Variants in FHIT observed in about 807,000 individuals in gnomAD.
The protein encoded by FHIT is fragile histidine triad diadenosine triphosphatase.
In FHIT, 19 loss-of-function variants were observed where a neutral mutation model predicts 17.9. That is an observed-to-expected ratio of 1.06 (90% confidence interval 0.74 to 1.56). The LOEUF (loss-of-function observed/expected upper bound fraction) is 1.56, where lower values mean the gene tolerates loss of function less well. FHIT is among the 40% of genes most tolerant of loss of function. The pLI is 0.00. For synonymous variants in FHIT, 81 were observed against 69.7 expected, an observed-to-expected ratio of 1.16 and a Z score of -0.81; for missense variants, 248 against 189.2, an observed-to-expected ratio of 1.31 and a Z score of -1.82.
intron 5 of FHIT, among the ~76,000 whole-genome samples, chr3:60,161,685 A>G (rs940993481): frequency 6.6e-5 from 10 of 150,518 alleles, no homozygotes; most frequent in South Asian, 2.1e-4. Context: ...CATTTGGGGG[A>G]AAAAAAAACC....
chr3:60,286,699 G>A (rs1225430513), intron 5 of FHIT, among the ~76,000 whole-genome samples: 3 of 152,184 alleles, frequency 2.0e-5, no homozygotes, highest in Admixed American at 6.5e-5. Flanking sequence ...GAAAGTCGGT[G>A]TTTGCTATTT....
intron 4 of FHIT, among the ~76,000 whole-genome samples, chr3:60,591,720 TC>T (rs2038091578): frequency 6.6e-6 from 1 of 152,074 alleles, no homozygotes; most frequent in Non-Finnish European, 1.5e-5. Flanking sequence ...CTTCTGAGAT[TC>T]ATTCTTTAGT....
In FHIT at chr3:61,147,718, C is replaced by T. The variant is rs543040108; in HGVS notation, c.-164+52899G>A. On this transcript the variant is annotated intron_variant, in intron 2 of 9. Coordinates refer to ENST00000492590, the MANE Select transcript of FHIT (RefSeq NM_002012.4). ...AAAATGATTCCCCTACAGTGGCAAC[C>T]CTGTATGAAAATACAATATGAGATC... 1.6e-3 allele frequency among the ~76,000 whole-genome samples: 246 copies of T among 151,930 alleles called. 1 individual carries two copies. The highest frequency in any genetic ancestry group is 2.4e-3 in the Admixed American group (36 of 15,250).
intron 3 of FHIT, among the ~76,000 whole-genome samples, chr3:60,871,088 A>T (rs1290422786): frequency 6.6e-6 from 1 of 152,158 alleles, no homozygotes; most frequent in East Asian, 1.9e-4. Flanking sequence ...ACCCGTTTCC[A>T]TCTGTGGTTC....
chr3:60,570,738 A>T (rs934575625), intron 4 of FHIT, among the ~76,000 whole-genome samples: 21 of 762 alleles, frequency 0.028, no homozygotes, highest in African/African-American at 0.097. Context: ...TTAAAAAATT[A>T]AAAAAAAAAA....
intron 4 of FHIT, among the ~76,000 whole-genome samples, chr3:60,673,992 T>C (rs1479839787): frequency 6.6e-6 from 1 of 151,928 alleles, no homozygotes; most frequent in African/African-American, 2.4e-5. Flanking sequence ...CTATTTTTTT[T>C]CCTCCCTCAT....
chr3:59,753,659 C>G (rs896281439), intron 8 of FHIT, among the ~76,000 whole-genome samples: 3 of 152,018 alleles, frequency 2.0e-5, no homozygotes, highest in African/African-American at 4.8e-5. Flanking sequence ...CCAATGATAG[C>G]TAGCATTTAT....
At chr3:60,722,077 T>C (rs912169091) in intron 4 of FHIT, among the ~76,000 whole-genome samples, 2 of 152,140 alleles carry the variant, frequency 1.3e-5, no homozygotes, top group Admixed American at 1.3e-4. Context: ...TACGAAAGGC[T>C]CAGAGATGAT....
intron 5 of FHIT, among the ~76,000 whole-genome samples, chr3:60,401,029 A>G (rs545894587): frequency 1.5e-3 from 222 of 152,242 alleles, no homozygotes; most frequent in Non-Finnish European, 2.5e-3. Flanking sequence ...TACCACCTAG[A>G]TCAATTTAAT....
At chr3:60,594,459 C>T (rs1275767717) in intron 4 of FHIT, among the ~76,000 whole-genome samples, 1 of 152,086 alleles carries the variant, frequency 6.6e-6, no homozygotes, top group Non-Finnish European at 1.5e-5. Context: ...CAACAACTGC[C>T]AACTTCCCCA....
At chr3:60,745,306 G>A (rs782695037) in intron 4 of FHIT, among the ~76,000 whole-genome samples, 7 of 152,232 alleles carry the variant, frequency 4.6e-5, no homozygotes, top group South Asian at 2.1e-4. Context: ...CATAGGCAGC[G>A]GGAATCAAAC....
chr3:61,214,473 T>C (rs1229454352), intron 1 of FHIT, among the ~76,000 whole-genome samples: 1 of 152,198 alleles, frequency 6.6e-6, no homozygotes, highest in Non-Finnish European at 1.5e-5. Context: ...GTTGGATCTC[T>C]GAATAGACCA....
chr3:61,124,003 G>A, intron 2 of FHIT, among the ~76,000 whole-genome samples: 1 of 152,152 alleles, frequency 6.6e-6, no homozygotes, highest in South Asian at 2.1e-4. Flanking sequence ...ACTATTGGGA[G>A]CATGGAGAAA....
At chr3:60,079,249 G>C (rs972666766) in intron 5 of FHIT, among the ~76,000 whole-genome samples, 1 of 152,112 alleles carries the variant, frequency 6.6e-6, no homozygotes, top group African/African-American at 2.4e-5. Context: ...AGGCCGCAGA[G>C]ACAATGCTGT....
At chr3:61,222,228 C>A (rs1280984206) in intron 1 of FHIT, among the ~76,000 whole-genome samples, 2 of 152,138 alleles carry the variant, frequency 1.3e-5, no homozygotes, top group East Asian at 3.9e-4. Context: ...ATCACAGGGG[C>A]AGAACAAGGT....
chr3:60,649,115 C>A (rs2039931550), intron 4 of FHIT, among the ~76,000 whole-genome samples: 1 of 152,088 alleles, frequency 6.6e-6, no homozygotes, highest in Non-Finnish European at 1.5e-5. Context: ...TTCTTCATTG[C>A]GGCCGGGCGC....
At chr3:59,898,298 C>T (rs9311738) in intron 8 of FHIT, among the ~76,000 whole-genome samples, 26,599 of 152,020 alleles carry the variant, frequency 0.17, 3,394 homozygotes, top group African/African-American at 0.36. Flanking sequence ...ACTATGTATA[C>T]GCAAATATTT....
chr3:59,919,100 A>T (rs55718637), intron 8 of FHIT, among the ~76,000 whole-genome samples: 10 of 151,654 alleles, frequency 6.6e-5, no homozygotes, highest in African/African-American at 2.4e-4. Flanking sequence ...AAAACCCCCC[A>T]CTATTTGTTA....
chr3:59,974,998 A>G (rs375971302), intron 7 of FHIT, among the ~76,000 whole-genome samples: 19 of 152,168 alleles, frequency 1.2e-4, no homozygotes, highest in African/African-American at 4.6e-4. Context: ...ACTTTTCTTC[A>G]TTGCACTAAT....
Sources: gnomAD v4.1 joint callset for allele counts (sites outside exome capture counted in the v4.1 genomes callset) on GRCh38, gnomAD v4.1.1 for gene constraint, MANE v1.5 for transcripts, NCBI Gene and HGNC (gene_info 2026-07-23, HGNC 2026-07-21) for gene names.